Variants in CLNK observed in about 807,000 individuals in gnomAD.
The protein encoded by CLNK is cytokine dependent hematopoietic cell linker, also known as cytokine-dependent hematopoietic cell linker.
CLNK carries 74 observed loss-of-function variants against 68.6 expected under a neutral mutation model. That is an observed-to-expected ratio of 1.08 (90% confidence interval 0.89 to 1.31). The LOEUF (loss-of-function observed/expected upper bound fraction) is 1.31, where lower values mean the gene tolerates loss of function less well. Ranked by LOEUF, CLNK falls within the 50% of genes most tolerant of loss-of-function variation. The pLI is 0.00. For synonymous variants in CLNK, 198 were observed against 172.2 expected, an observed-to-expected ratio of 1.15 and a Z score of -1.17; for missense variants, 553 against 515.3, an observed-to-expected ratio of 1.07 and a Z score of -0.71.
At chr4:10,504,728 A>T (rs1367653086) in intron 17 of CLNK, among the ~76,000 whole-genome samples, 2 of 152,214 alleles carry the variant, frequency 1.3e-5, no homozygotes, top group Admixed American at 6.5e-5. Flanking sequence ...ACTCATGGCC[A>T]AGTTTTGGGT....
At chr4:10,640,322 G>A (rs1036961831) in intron 2 of CLNK, among the ~76,000 whole-genome samples, 3 of 152,106 alleles carry the variant, frequency 2.0e-5, no homozygotes, top group Admixed American at 6.5e-5. Flanking sequence ...GCACCAGCAC[G>A]CCCAACTAAC....
chr4:10,727,540 A>G, the CLNK span, among the ~76,000 whole-genome samples: 2 of 152,252 alleles, frequency 1.3e-5, no homozygotes, highest in African/African-American at 4.8e-5. Context: ...GCGATCAGCT[A>G]TTCTAAAGTG....
intron 14 of CLNK, among the ~76,000 whole-genome samples, chr4:10,521,167 CT>C (rs1405875245): frequency 6.6e-6 from 1 of 152,168 alleles, no homozygotes; most frequent in Non-Finnish European, 1.5e-5. Context: ...GAACATTTTG[CT>C]GGTGGGGGCT....
At chr4:10,565,968 T>C (rs1162808825) in intron 6 of CLNK, 41 bp downstream of exon 6, 7 of 1,599,820 alleles carry the variant, frequency 4.4e-6, no homozygotes, top group East Asian at 4.5e-5. Context: ...TGGTGGCATG[T>C]ACATGCATCT....
At chr4:10,614,632 C>T (rs1209128130) in intron 2 of CLNK, among the ~76,000 whole-genome samples, 9 of 152,254 alleles carry the variant, frequency 5.9e-5, no homozygotes, top group East Asian at 3.9e-4. Flanking sequence ...CCCACTGAAC[C>T]GAAATCTGCA....
chr4:10,638,190 C>T (rs1723170079), intron 2 of CLNK, among the ~76,000 whole-genome samples: 2 of 152,164 alleles, frequency 1.3e-5, no homozygotes, highest in South Asian at 4.1e-4. Flanking sequence ...TGCAGAGAGA[C>T]ATTTCCTTAC....
At chr4:10,694,861 C>A in the CLNK span, among the ~76,000 whole-genome samples, 1 of 152,204 alleles carries the variant, frequency 6.6e-6, no homozygotes, top group Middle Eastern at 3.2e-3. Context: ...CAGCTTCACT[C>A]ATGTTGTTGC....
rs114533761 is a variant in CLNK at position 10,540,739 on chromosome 4, G to A, written c.492-135C>T. ...ATGCTAGTTTTTGGATGCTAACTGCGGAGCAGACCGATCTGGTCTGGCACT... is the reference window on the plus strand; with the variant it reads ...ATGCTAGTTTTTGGATGCTAACTGCAGAGCAGACCGATCTGGTCTGGCACT... On this transcript the variant is annotated intron_variant, in intron 10 of 18. Transcript: ENST00000226951. 1,232 of 638,228 alleles carry A rather than the reference G, an allele frequency of 1.9e-3. 14 individuals carry two copies. The highest frequency in any genetic ancestry group is 0.019 in the African/African-American group (1,045 of 54,860). The allele number at this position is 638,228 out of a possible 1,614,324, so 39.5% of individuals were successfully genotyped here.
At chr4:10,613,608 ATCTC>A (rs764660714) in intron 2 of CLNK, among the ~76,000 whole-genome samples, 2 of 152,180 alleles carry the variant, frequency 1.3e-5, no homozygotes, top group Non-Finnish European at 2.9e-5. Flanking sequence ...ACTCAATAGG[ATCTC>A]TCTGTCTTCT....
At chr4:10,639,705 C>T (rs1023087459) in intron 2 of CLNK, among the ~76,000 whole-genome samples, 1 of 152,118 alleles carries the variant, frequency 6.6e-6, no homozygotes, top group Non-Finnish European at 1.5e-5. Flanking sequence ...CTCAGTTGTA[C>T]TAGTCACATT....
intron 12 of CLNK, among the ~76,000 whole-genome samples, chr4:10,531,253 G>T (rs188648130): frequency 6.6e-6 from 1 of 152,158 alleles, no homozygotes; most frequent in East Asian, 1.9e-4. Flanking sequence ...TTGTCTTTGG[G>T]CACTGAAGGG....
intron 2 of CLNK, among the ~76,000 whole-genome samples, chr4:10,639,680 A>G (rs1723232458): frequency 6.6e-6 from 1 of 152,246 alleles, no homozygotes; most frequent in Non-Finnish European, 1.5e-5. Flanking sequence ...TTAAAAATGA[A>G]TAAAAATTAA....
chr4:10,699,355 C>CCACATACGTGTGTGTAT, the CLNK span, among the ~76,000 whole-genome samples: 2 of 32,260 alleles, frequency 6.2e-5, no homozygotes, highest in African/African-American at 2.1e-4. Flanking sequence ...CACACACACA[C>CCACATACGTGTGTGTAT]ACACAGTCAT....
At chr4:10,697,735 C>G in the CLNK span, 1 of 152,224 alleles carries the variant, frequency 6.6e-6, no homozygotes, top group African/African-American at 2.4e-5. Flanking sequence ...AAGCTGCCTA[C>G]TGGTTCCCAA....
chr4:10,686,565 C>A (rs185799316), upstream of CLNK, among the ~76,000 whole-genome samples: 1 of 150,764 alleles, frequency 6.6e-6, no homozygotes, highest in African/African-American at 2.4e-5. Flanking sequence ...GGGTTTGGGG[C>A]ACTAAGGGCA....
intron 18 of CLNK, among the ~76,000 whole-genome samples, chr4:10,490,888 C>A (rs1235864065): frequency 6.6e-6 from 1 of 152,108 alleles, no homozygotes; most frequent in African/African-American, 2.4e-5. Context: ...TCTCAGCCTC[C>A]CAAGTAGCTG....
intron 1 of CLNK, among the ~76,000 whole-genome samples, chr4:10,674,482 T>C (rs1007352058): frequency 3.3e-5 from 5 of 152,236 alleles, no homozygotes; most frequent in African/African-American, 1.2e-4. Context: ...GGGTTGGAAC[T>C]CTGTGCTTTC....
intron 2 of CLNK, among the ~76,000 whole-genome samples, chr4:10,644,408 C>T (rs1723431511): frequency 6.6e-6 from 1 of 152,158 alleles, no homozygotes; most frequent in South Asian, 2.1e-4. Flanking sequence ...GGTTAAACCT[C>T]ACAACTGAAA....
intron 7 of CLNK, among the ~76,000 whole-genome samples, chr4:10,561,799 G>A (rs1014491727): frequency 3.9e-5 from 6 of 152,180 alleles, no homozygotes; most frequent in Non-Finnish European, 7.3e-5. Context: ...AGGCCAGACC[G>A]AGAAAGTCTT....
Sources: allele counts gnomAD v4.1 joint callset (sites outside exome capture counted in the v4.1 genomes callset), GRCh38; gene constraint gnomAD v4.1.1; transcripts MANE v1.5; gene names NCBI Gene and HGNC (gene_info 2026-07-23, HGNC 2026-07-21).